Variants in LRRK1 observed in about 807,000 individuals in gnomAD.
LRRK1 encodes leucine rich repeat kinase 1, also known as leucine-rich repeat serine/threonine-protein kinase 1.
LRRK1 carries 113 observed loss-of-function variants against 209.1 expected under a neutral mutation model. That is an observed-to-expected ratio of 0.54 (90% CI 0.46 to 0.63). The LOEUF is 0.63. Among genes scored for constraint, LRRK1 ranks in the 30% least tolerant of loss-of-function variants. The pLI is 0.00. For missense variants in LRRK1, 2,284 were observed against 2,632.2 expected, an observed-to-expected ratio of 0.87 and a Z score of 2.89; for synonymous variants, 1,144 against 1,099.7, an observed-to-expected ratio of 1.04 and a Z score of -0.80.
Position 101,065,962 on chromosome 15 carries a change from C to A in LRRK1, c.5525C>A (p.Ser1842Tyr), listed in dbSNP as rs1254447279. 15 of 1,614,010 alleles carry A rather than the reference C, an allele frequency of 9.3e-6. No individual in the cohort carries two copies. The highest frequency in any genetic ancestry group is 1.3e-5 in the Non-Finnish European group (15 of 1,180,016). ...TCACTCACTGACTACTGCTCCATGT[C>A]CTCCTACTCCTCATCCCCACCCCGC... is the stretch of plus-strand genomic sequence containing the variant. ...QESLTDYCSM[S>Y]SYSSSPPRQA... The change falls in exon 32 of 34, where the codon TCC (serine) becomes TAC (tyrosine). Residue 1842 changes from serine to tyrosine, a missense_variant. Physicochemically the swap from Ser to Tyr is moderately radical, Grantham distance 144. Around this residue, in one of 6 missense-constraint regions of LRRK1, gnomAD observed 643 missense variants for 695.9 expected, o/e 0.92. Transcript: ENST00000388948.
chr15:100,935,860 C>T (rs1231903827), intron 2 of LRRK1, among the ~76,000 whole-genome samples: 1 of 152,234 alleles, frequency 6.6e-6, no homozygotes, highest in Non-Finnish European at 1.5e-5. Context: ...TGCTCCTCCA[C>T]ATGACTTCTC....
chr15:100,953,508 CTA>C (rs60971994), intron 2 of LRRK1, among the ~76,000 whole-genome samples: 64,297 of 145,962 alleles, frequency 0.44, 14,891 homozygotes, highest in South Asian at 0.57. Flanking sequence ...ATGTGTGTGT[CTA>C]TATATATATA....
intron 20 of LRRK1, among the ~76,000 whole-genome samples, chr15:101,033,049 C>T (rs2034350463): frequency 6.6e-6 from 1 of 152,212 alleles, no homozygotes; most frequent in African/African-American, 2.4e-5. Context: ...GTCAAGGGGT[C>T]AGCAGGATCA....
At chr15:100,941,428 C>G (rs71409319) in intron 2 of LRRK1, among the ~76,000 whole-genome samples, 11 of 51,294 alleles carry the variant, frequency 2.1e-4, no homozygotes, top group Admixed American at 4.7e-4. Flanking sequence ...GTGTGTGTGT[C>G]TGTGTGTGTG....
chr15:100,982,242 C>T (rs1274531684), intron 3 of LRRK1, among the ~76,000 whole-genome samples: 1 of 152,234 alleles, frequency 6.6e-6, no homozygotes, highest in Non-Finnish European at 1.5e-5. Context: ...ATAGGGGATC[C>T]CCATCTACCT....
chr15:101,039,811 C>T (rs1026491813), intron 20 of LRRK1, among the ~76,000 whole-genome samples: 5 of 152,102 alleles, frequency 3.3e-5, no homozygotes, highest in African/African-American at 1.2e-4. Context: ...GAATTTTGTC[C>T]CCCAAAAATG....
intron 2 of LRRK1, among the ~76,000 whole-genome samples, chr15:100,950,106 A>G (rs1332168160): frequency 1.3e-5 from 2 of 152,266 alleles, no homozygotes; most frequent in Non-Finnish European, 2.9e-5. Context: ...AGAATATTCT[A>G]AACAACACAC....
At chr15:101,004,178 G>A (rs1426702479) in intron 6 of LRRK1, among the ~76,000 whole-genome samples, 2 of 152,152 alleles carry the variant, frequency 1.3e-5, no homozygotes, top group African/African-American at 4.8e-5. Context: ...ACTGCCAGTA[G>A]GAAGGCAAAG....
chr15:100,931,396 C>T (rs548361334), intron 2 of LRRK1, among the ~76,000 whole-genome samples: 52 of 152,214 alleles, frequency 3.4e-4, no homozygotes, highest in African/African-American at 1.1e-3. Context: ...TTCAGTGACT[C>T]AGAGATATTT....
chr15:100,978,629 C>G (rs970835942), intron 3 of LRRK1, among the ~76,000 whole-genome samples: 2 of 152,150 alleles, frequency 1.3e-5, no homozygotes, highest in Non-Finnish European at 2.9e-5. Flanking sequence ...ATGAACAGCT[C>G]TAAACACATA....
Position 101,015,505 on chromosome 15 carries a change from TCAATGCCCTGTTG to T in LRRK1, c.1609+111_1609+123del, listed in dbSNP as rs1318687074. On this transcript the variant is annotated intron_variant, in intron 12 of 33. Coordinates refer to ENST00000388948, the MANE Select transcript of LRRK1 (RefSeq NM_024652.6). ...TCGCCCTTATCTTGGGCCTTCCCCT[TCAATGCCCTGTTG>T]CAATGCCACAGATGTCCAAGTTCAA... 4 of 808,548 alleles carry T rather than the reference TCAATGCCCTGTTG, an allele frequency of 4.9e-6. No homozygotes were observed. The East Asian group carries it at 8.2e-5, about 17-fold the overall frequency. The allele number at this position is 808,548 out of a possible 1,614,324, so 50.1% of individuals were successfully genotyped here. A position where few individuals can be genotyped will look rare whatever the true frequency, so the allele number is the denominator to read the frequency against.
intron 10 of LRRK1, among the ~76,000 whole-genome samples, chr15:101,012,895 GC>G (rs1196763840): frequency 6.7e-6 from 1 of 150,234 alleles, no homozygotes; most frequent in Non-Finnish European, 1.5e-5. Flanking sequence ...CACGCGGGGT[GC>G]CCCCGGGGGG....
At chr15:100,978,986 T>C (rs1362465515) in intron 3 of LRRK1, among the ~76,000 whole-genome samples, 1 of 152,102 alleles carries the variant, frequency 6.6e-6, no homozygotes, top group African/African-American at 2.4e-5. Flanking sequence ...GATGCAAAAA[T>C]TCTTCACAAA....
rs1022790135 is a variant in LRRK1 at position 101,024,293 on chromosome 15, A to C, written c.2068-510A>C. On this transcript the variant is annotated intron_variant, in intron 15 of 33. Transcript: ENST00000388948. This position sits in a 1 kb window ranked among gnomAD's most constrained non-coding sequence, Gnocchi z 4.6. ...TCTTACCTCATGCAATGATAGAGAAACCACCGTTTACACAGCCGTTCCCGG... is the reference window on the plus strand; with the variant it reads ...TCTTACCTCATGCAATGATAGAGAACCCACCGTTTACACAGCCGTTCCCGG... Among the ~76,000 whole-genome samples, 2 of 152,194 alleles carry C rather than the reference A, an allele frequency of 1.3e-5. No homozygotes were observed. The highest frequency in any genetic ancestry group is 2.9e-5 in the Non-Finnish European group (2 of 68,040).
intron 2 of LRRK1, among the ~76,000 whole-genome samples, chr15:100,955,323 G>A (rs2042730875): frequency 6.6e-6 from 1 of 152,062 alleles, no homozygotes; most frequent in Non-Finnish European, 1.5e-5. Context: ...GTATAGAACT[G>A]CAAATGATTT....
Position 101,054,348 on chromosome 15 carries a change from G to A in LRRK1, c.4055-598G>A, listed in dbSNP as rs146043669. On this transcript the variant is annotated intron_variant, in intron 26 of 33. Transcript: ENST00000388948. ...ACCTGAGGTGAACTCTAGAGATTTC[G>A]AACCCTTGCTCATTCAGCAAAATGC... is the stretch of plus-strand genomic sequence containing the variant. Among the ~76,000 whole-genome samples, 1,127 of 152,232 alleles carry A rather than the reference G, an allele frequency of 7.4e-3. 10 individuals are homozygous for A. Among genetic ancestry groups the A allele is most frequent in the African/African-American group, 0.024 (1,002 of 41,524 alleles).
rs545172185 is a variant in LRRK1, at chr15:101,041,353, C to T, written c.2964-4628C>T. ...TTAATAGGAATATTTGATTCATTCA[C>T]ATTTATCATAATTAATTATATGGTT... On this transcript the variant is annotated intron_variant, in intron 20 of 33. Coordinates refer to ENST00000388948, the MANE Select transcript of LRRK1 (RefSeq NM_024652.6). Among the ~76,000 whole-genome samples, 7 of 152,298 alleles carry T rather than the reference C, an allele frequency of 4.6e-5. No homozygotes were observed. The East Asian group carries it at 9.6e-4, about 21-fold the overall frequency.
At chr15:100,993,777 G>T (rs549302336) in intron 6 of LRRK1, among the ~76,000 whole-genome samples, 1 of 152,094 alleles carries the variant, frequency 6.6e-6, no homozygotes, top group African/African-American at 2.4e-5. Flanking sequence ...TGTCCTATTA[G>T]TATATATTTT....
At chr15:101,014,508 ATGTGAGTCTGCGAGG>A (rs1222294173) in intron 11 of LRRK1, 80 bp downstream of exon 11, 6 of 956,098 alleles carry the variant, frequency 6.3e-6, no homozygotes, top group Admixed American at 2.0e-5. Context: ...GAATGGTGGC[ATGTGAGTCTGCGAGG>A]GCTGCTGAGC....
Sources: gnomAD v4.1 joint callset for allele counts (sites outside exome capture counted in the v4.1 genomes callset) on GRCh38, gnomAD v4.1.1 for gene constraint, gnomAD v4.1.1 regional missense constraint, Gnocchi (gnomAD v3.1) non-coding constraint, MANE v1.5 for transcripts, NCBI Gene and HGNC (gene_info 2026-07-23, HGNC 2026-07-21) for gene names.